ST6GALNAC3: variants seen among roughly 807,000 people sequenced by gnomAD.
The protein encoded by ST6GALNAC3 is ST6 N-acetylgalactosaminide alpha-2,6-sialyltransferase 3, also known as alpha-N-acetylgalactosaminide alpha-2,6-sialyltransferase 3.
Under a neutral mutation model 32.7 loss-of-function variants are expected in ST6GALNAC3, and 25 were observed. That is an observed-to-expected ratio of 0.76 (90% CI 0.56 to 1.07). The LOEUF is 1.07. Among genes scored for constraint, ST6GALNAC3 ranks in the 50% least tolerant of loss-of-function variants. The pLI is 0.00. For missense variants in ST6GALNAC3, 355 were observed against 382.4 expected (o/e 0.93, Z 0.60); for synonymous variants, 129 against 133.1 (o/e 0.97, Z 0.21).
At chr1:76,563,298 C>G (rs933867572) in intron 3 of ST6GALNAC3, among the ~76,000 whole-genome samples, 1 of 152,176 alleles carries the variant, frequency 6.6e-6, no homozygotes, top group Non-Finnish European at 1.5e-5. Flanking sequence ...ATTAAATCTG[C>G]TTTGTATCTA....
chr1:76,619,272 A>T (rs752378459), intron 3 of ST6GALNAC3, among the ~76,000 whole-genome samples: 105 of 152,234 alleles, frequency 6.9e-4, no homozygotes, highest in Non-Finnish European at 1.2e-3. Flanking sequence ...ATTTCCACTA[A>T]TTTTTTAAAA....
At chr1:76,414,984 C>A (rs918564526) in intron 3 of ST6GALNAC3, among the ~76,000 whole-genome samples, 2 of 151,730 alleles carry the variant, frequency 1.3e-5, no homozygotes, top group Admixed American at 1.3e-4. Context: ...TATATTTCTC[C>A]TAACCTATAT....
At position 76,369,192 on chromosome 1, in the gene ST6GALNAC3, C is replaced by T. The variant is rs185347917; in HGVS notation, c.214-42816C>T. Among the ~76,000 whole-genome samples the T allele has an allele frequency of 2.4e-3, 368 of 152,144 alleles. 1 individual carries two copies. The highest frequency in any genetic ancestry group is 6.8e-3 in the Middle Eastern group (2 of 294). ...GTTACTGGGTCTAAAATGTTGGGCT[C>T]AGTTCTTGGGAAGACTTACTTCCCA... On this transcript the variant is annotated intron_variant, in intron 2 of 4. Transcript: ENST00000328299.
At chr1:76,093,496 AAGAGAAGTTC>A (rs1647078797) in intron 1 of ST6GALNAC3, among the ~76,000 whole-genome samples, 1 of 152,228 alleles carries the variant, frequency 6.6e-6, no homozygotes, top group Admixed American at 6.5e-5. Context: ...ACTTTCTGTG[AAGAGAAGTTC>A]AGAGGCCAGT....
chr1:76,393,294 A>G (rs1480814029), intron 2 of ST6GALNAC3, among the ~76,000 whole-genome samples: 2 of 152,218 alleles, frequency 1.3e-5, no homozygotes, highest in Non-Finnish European at 2.9e-5. Flanking sequence ...TTTGAAGCTT[A>G]TAGTGTAGTC....
At chr1:76,397,442 C>A (rs559113930) in intron 2 of ST6GALNAC3, among the ~76,000 whole-genome samples, 1 of 150,000 alleles carries the variant, frequency 6.7e-6, no homozygotes, top group East Asian at 2.0e-4. Context: ...CGATCTCAGC[C>A]CACTGCAACC....
chr1:76,541,781 T>C (rs1664007681), intron 3 of ST6GALNAC3, among the ~76,000 whole-genome samples: 1 of 152,188 alleles, frequency 6.6e-6, no homozygotes, highest in Admixed American at 6.5e-5. Flanking sequence ...AGTGAAGATT[T>C]TCTGAGGTGT....
chr1:76,399,220 A>G (rs112177078), intron 2 of ST6GALNAC3, among the ~76,000 whole-genome samples: 2,074 of 152,148 alleles, frequency 0.014, 48 homozygotes, highest in African/African-American at 0.047. Flanking sequence ...TTCTACTGTG[A>G]GTGCTTTTCT....
At chr1:76,420,781 T>C (rs781738451) in intron 3 of ST6GALNAC3, among the ~76,000 whole-genome samples, 18 of 152,040 alleles carry the variant, frequency 1.2e-4, no homozygotes, top group Non-Finnish European at 2.6e-4. Flanking sequence ...TCTGCCTAAA[T>C]TGCACTTCCC....
At chr1:76,437,853 C>T (rs1160874241) in intron 3 of ST6GALNAC3, among the ~76,000 whole-genome samples, 1 of 151,914 alleles carries the variant, frequency 6.6e-6, no homozygotes, top group Non-Finnish European at 1.5e-5. Context: ...AGATTATAGG[C>T]GTGAACCACC....
intron 1 of ST6GALNAC3, among the ~76,000 whole-genome samples, chr1:76,179,757 T>G (rs1653062134): frequency 6.6e-6 from 1 of 152,220 alleles, no homozygotes; most frequent in South Asian, 2.1e-4. Flanking sequence ...CTTCAGTCAC[T>G]CTGCTCTGGC....
At chr1:76,573,708 AT>A (rs1646751158) in intron 3 of ST6GALNAC3, among the ~76,000 whole-genome samples, 1 of 152,014 alleles carries the variant, frequency 6.6e-6, no homozygotes, top group Non-Finnish European at 1.5e-5. Flanking sequence ...CATTTTAAAA[AT>A]AAATATGAAA....
intron 3 of ST6GALNAC3, among the ~76,000 whole-genome samples, chr1:76,490,671 G>A (rs1295871078): frequency 2.0e-5 from 3 of 151,540 alleles, no homozygotes; most frequent in Non-Finnish European, 4.4e-5. Flanking sequence ...ATATCTCTTG[G>A]AGAATAGAAA....
intron 1 of ST6GALNAC3, among the ~76,000 whole-genome samples, chr1:76,103,145 T>C (rs571122448): frequency 1.3e-5 from 2 of 151,926 alleles, no homozygotes; most frequent in African/African-American, 4.8e-5. Context: ...GCAGTTTTAT[T>C]GTAATTGGCC....
intron 3 of ST6GALNAC3, among the ~76,000 whole-genome samples, chr1:76,622,839 C>T (rs1456982871): frequency 6.6e-6 from 1 of 151,930 alleles, no homozygotes; most frequent in Non-Finnish European, 1.5e-5. Flanking sequence ...TGAAAAGTAG[C>T]CATTTCCATT....
chr1:76,197,468 G>C (rs748840235), intron 1 of ST6GALNAC3, among the ~76,000 whole-genome samples: 1 of 151,268 alleles, frequency 6.6e-6, no homozygotes, highest in Non-Finnish European at 1.5e-5. Context: ...GGGCTGAAGG[G>C]GGGATCTAAT....
chr1:76,478,981 T>C (rs1659542635), intron 3 of ST6GALNAC3, among the ~76,000 whole-genome samples: 1 of 151,964 alleles, frequency 6.6e-6, no homozygotes, highest in African/African-American at 2.4e-5. Flanking sequence ...GACAGGATGG[T>C]CTCGATCTCC....
intron 3 of ST6GALNAC3, among the ~76,000 whole-genome samples, chr1:76,481,463 G>C (rs571643965): frequency 1.3e-5 from 2 of 152,290 alleles, no homozygotes; most frequent in South Asian, 2.1e-4. Context: ...GCAATTGGAT[G>C]TTATAACCTC....
rs190515574 is a variant in ST6GALNAC3 at position 76,106,212 on chromosome 1, T to C, written c.18+31328T>C. On this transcript the variant is annotated intron_variant, in intron 1 of 4. Transcript: ENST00000328299. The stretch of plus-strand genomic sequence containing the variant: ...TTATTGTCATGATAATGAAATCCAA[T>C]GGGAAATTTTTTCTTTTAATTAGTT... Among the ~76,000 whole-genome samples, 118 of 152,350 alleles carry C rather than the reference T, an allele frequency of 7.7e-4. No individual in the cohort carries two copies. In the Middle Eastern group the frequency reaches 0.017, roughly 22 times the overall value.
Sources: gnomAD v4.1 joint callset for allele counts (sites outside exome capture counted in the v4.1 genomes callset) on GRCh38, gnomAD v4.1.1 for gene constraint, MANE v1.5 for transcripts, NCBI Gene and HGNC (gene_info 2026-07-23, HGNC 2026-07-21) for gene names.